The following PADI3 variants were observed in gnomAD, a reference collection of about 807,000 sequenced individuals.
PADI3 encodes the protein peptidyl arginine deiminase 3, also known as protein-arginine deiminase type-3.
Under a neutral mutation model 71.5 loss-of-function variants are expected in PADI3, and 53 were observed. The ratio of observed to expected loss-of-function variants is 0.74; its 90% CI spans 0.59 to 0.93. PADI3 has a LOEUF of 0.93. Ranked by LOEUF, PADI3 falls within the 40% of genes least tolerant of loss-of-function variation. The probability of loss-of-function intolerance (pLI) is 0.00; values close to 1 mark genes in which losing one functional copy is unlikely to be tolerated. For synonymous variants in PADI3, 361 were observed against 347.5 expected, an observed-to-expected ratio of 1.04 and a Z score of -0.43; for missense variants, 821 against 868.0, an observed-to-expected ratio of 0.95 and a Z score of 0.68.
At chr1:17,253,974 T>A (rs2072996813) in intron 1 of PADI3, among the ~76,000 whole-genome samples, 1 of 152,204 alleles carries the variant, frequency 6.6e-6, no homozygotes, top group African/African-American at 2.4e-5. Flanking sequence ...CAGCTTCCAT[T>A]CTGTCAACAT....
intron 13 of PADI3, 85 bp downstream of exon 13, chr1:17,276,961 C>A (rs1318137052): frequency 1.4e-5 from 17 of 1,187,488 alleles, no homozygotes; most frequent in Non-Finnish European, 2.0e-5. Flanking sequence ...AGGGGGAGGG[C>A]AAGTTTTAAA....
intron 1 of PADI3, among the ~76,000 whole-genome samples, chr1:17,256,320 G>T (rs1260505005): frequency 6.6e-6 from 1 of 152,218 alleles, no homozygotes; most frequent in East Asian, 1.9e-4. Context: ...AGGTTAATGG[G>T]CCCAGAGAGA....
intron 6 of PADI3, among the ~76,000 whole-genome samples, chr1:17,270,026 G>A (rs1052259227): frequency 2.0e-5 from 3 of 152,070 alleles, no homozygotes; most frequent in Non-Finnish European, 4.4e-5. Context: ...AGGTATGAGC[G>A]CCAGTCTTAG....
chr1:17,252,805 T>A (rs1229646524), intron 1 of PADI3, among the ~76,000 whole-genome samples: 1 of 152,222 alleles, frequency 6.6e-6, no homozygotes, highest in Non-Finnish European at 1.5e-5. Flanking sequence ...AAGAACAGAC[T>A]GGACCCATTC....
In PADI3 at chr1:17,270,481, T is replaced by G. The variant is rs1190758757; in HGVS notation, c.831+70T>G. 3.1e-6 allele frequency: 4 copies of G among 1,299,190 alleles called. No individual in the cohort carries two copies. In the South Asian group the frequency reaches 6.1e-5, roughly 20 times the overall value. The allele number at this position is 1,299,190 out of a possible 1,614,324, so 80.5% of individuals were successfully genotyped here. On this transcript the variant is annotated intron_variant, in intron 7 of 15. Coordinates refer to ENST00000375460, the MANE Select transcript of PADI3 (RefSeq NM_016233.2). Reference sequence around the variant, plus strand: ...CTGGGCAACATGGTGAAACCCCATCTCTACAAAAAAAAAAAAAATAGCGAG... The same window carrying G: ...CTGGGCAACATGGTGAAACCCCATCGCTACAAAAAAAAAAAAAATAGCGAG...
chr1:17,253,669 C>T (rs546636878), intron 1 of PADI3, among the ~76,000 whole-genome samples: 12 of 152,202 alleles, frequency 7.9e-5, no homozygotes, highest in Non-Finnish European at 1.5e-4. Flanking sequence ...CCCCAGCACC[C>T]TAGGTTTTCA....
chr1:17,259,552 C>A, intron 1 of PADI3, 26 bp from the exon 2 acceptor site: 2 of 1,543,824 alleles, frequency 1.3e-6, no homozygotes, highest in Non-Finnish European at 1.8e-6. Flanking sequence ...CCTTCGGCAC[C>A]GACCATGGCT....
At chr1:17,260,557 C>T (rs1569886107) in intron 2 of PADI3, among the ~76,000 whole-genome samples, 1 of 152,288 alleles carries the variant, frequency 6.6e-6, no homozygotes, top group Non-Finnish European at 1.5e-5. Flanking sequence ...GATGGGGCAA[C>T]TGAGGTTCAG....
At chr1:17,276,733 C>A (rs2073337861) in intron 12 of PADI3, 41 bp from the exon 13 acceptor site, 4 of 1,613,664 alleles carry the variant, frequency 2.5e-6, no homozygotes, top group Non-Finnish European at 2.5e-6. Context: ...GGGCGCCATG[C>A]CAAGGCAGGA....
chr1:17,275,147 CAGA>C (rs1048950774), intron 11 of PADI3, among the ~76,000 whole-genome samples: 1 of 151,748 alleles, frequency 6.6e-6, no homozygotes. Flanking sequence ...TTAATAGTAA[CAGA>C]AGAAGAGTGG....
In PADI3 at chr1:17,270,365, C is replaced by A; in HGVS notation, c.785C>A (p.Thr262Lys). The A allele has an allele frequency of 1.9e-6, 3 of 1,613,828 alleles. No individual in the cohort carries two copies. The highest frequency in any genetic ancestry group is 1.7e-6 in the Non-Finnish European group (2 of 1,179,954). Residue 262 changes from threonine (T) to lysine (K), a missense_variant, in exon 7 of 16, where the codon ACA becomes AAA. By Grantham distance (78) the Thr-to-Lys change is moderately conservative (BLOSUM62 -1). Transcript: ENST00000375460. ...EGLSFPDAGF[T>K]GLISFHVTLL... ...CTGTCCTTCCCTGATGCCGGCTTCA[C>A]AGGACTCATCTCCTTCCATGTCACT...
At chr1:17,269,753 G>A (rs1478215918) in intron 6 of PADI3, among the ~76,000 whole-genome samples, 1 of 152,012 alleles carries the variant, frequency 6.6e-6, no homozygotes, top group Non-Finnish European at 1.5e-5. Flanking sequence ...GAGTAGCTGG[G>A]ATTATAGGTG....
intron 13 of PADI3, among the ~76,000 whole-genome samples, chr1:17,278,361 A>G (rs930707718): frequency 1.3e-5 from 2 of 151,946 alleles, no homozygotes; most frequent in Admixed American, 1.3e-4. Flanking sequence ...GCGAGTAGCT[A>G]GGACCACAGG....
In PADI3 at chr1:17,263,017, C is replaced by T. The variant is rs545204941; in HGVS notation, c.346+812C>T. ...GCAACCTCCGCCTCCTGGGTTCAAA[C>T]GATTCTCCTACCTCAGCCTCCTGAG... On this transcript the variant is annotated intron_variant, in intron 3 of 15. Transcript: ENST00000375460. Among the ~76,000 whole-genome samples, 11 of 152,312 alleles carry T rather than the reference C, an allele frequency of 7.2e-5. No homozygotes were observed. The South Asian group carries it at 1.0e-3, about 14-fold the overall frequency.
At chr1:17,266,618 C>A in intron 4 of PADI3, 101 bp from the exon 5 acceptor site, 1 of 902,626 alleles carries the variant, frequency 1.1e-6, no homozygotes, top group Non-Finnish European at 1.8e-6. Flanking sequence ...TGGACCTAGC[C>A]TCACAGGGTT....
intron 6 of PADI3, among the ~76,000 whole-genome samples, chr1:17,268,886 CTT>C (rs34487635): frequency 3.5e-4 from 46 of 132,514 alleles, no homozygotes; most frequent in Middle Eastern, 4.3e-3. Flanking sequence ...CTAAATCTGA[CTT>C]TTTTTTTTTT....
chr1:17,272,752 C>G (rs1290326244), intron 9 of PADI3, among the ~76,000 whole-genome samples: 1 of 152,134 alleles, frequency 6.6e-6, no homozygotes, highest in Non-Finnish European at 1.5e-5. Context: ...CCCGCCTCAC[C>G]CTCCCAAAGT....
At chr1:17,257,416 T>C (rs1159990572) in intron 1 of PADI3, among the ~76,000 whole-genome samples, 1 of 152,260 alleles carries the variant, frequency 6.6e-6, no homozygotes, top group African/African-American at 2.4e-5. Flanking sequence ...ATTAATAATT[T>C]TTTTAGTATA....
rs2073281528 is a variant in PADI3 at position 17,273,364 on chromosome 1, C to G, written c.1072C>G (p.Gln358Glu). 1 of 1,613,576 alleles carries G rather than the reference C, an allele frequency of 6.2e-7. No homozygotes were observed. Among genetic ancestry groups the G allele is most frequent in the Non-Finnish European group, 8.5e-7 (1 of 1,179,722 alleles). The change falls in exon 10 of 16, where the codon CAG becomes GAG. Residue 358 changes from glutamine (Q) to glutamate (E), a missense_variant. Transcript: ENST00000375460. ...IQDEMELGYV[Q>E]APHKTLPVVF... ...GGATGAGATGGAGCTGGGCTACGTT[C>G]AGGCGCCGCACAAGACCCTCCCGGT...
Sources: gnomAD v4.1 joint callset for allele counts (sites outside exome capture counted in the v4.1 genomes callset) on GRCh38, gnomAD v4.1.1 for gene constraint, MANE v1.5 for transcripts, NCBI Gene and HGNC (gene_info 2026-07-23, HGNC 2026-07-21) for gene names.